Variants in FBXW11 observed in about 807,000 individuals in gnomAD.
FBXW11 encodes F-box/WD repeat-containing protein 11.
Under a neutral mutation model 77.6 loss-of-function variants are expected in FBXW11, and 19 were observed. The ratio of observed to expected loss-of-function variants is 0.24; its 90% CI spans 0.17 to 0.36. FBXW11 has a LOEUF of 0.36. Ranked by LOEUF, FBXW11 falls within the 10% of genes least tolerant of loss-of-function variation. FBXW11 has a pLI of 1.00. For missense variants in FBXW11, 334 were observed against 704.2 expected (o/e 0.47, Z 5.95); for synonymous variants, 235 against 249.4 (o/e 0.94, Z 0.54).
Position 171,869,228 on chromosome 5 carries a change from A to G in FBXW11, c.1531-432T>C, listed in dbSNP as rs1195503868. Among the ~76,000 whole-genome samples the G allele has an allele frequency of 1.3e-5, 2 of 152,240 alleles. No individual in the cohort carries two copies. The highest frequency in any genetic ancestry group is 6.5e-5 in the Admixed American group (1 of 15,270). ...AATATAAGAGTTCCCATTAAAATCA[A>G]GAAGACAGTTCTGCATCTTCTAGTA... On this transcript the variant is annotated intron_variant, in intron 12 of 13. Transcript: ENST00000517395. The surrounding 1 kb of genome is among the most constrained non-coding windows in gnomAD (Gnocchi z 4.1).
Position 171,933,967 on chromosome 5 carries a change from T to G in FBXW11, c.148-19562A>C, listed in dbSNP as rs182495621. Among the ~76,000 whole-genome samples, 542 of 152,340 alleles carry G rather than the reference T, an allele frequency of 3.6e-3. 3 individuals carry two copies. Among genetic ancestry groups the G allele is most frequent in the African/African-American group, 0.012 (519 of 41,576 alleles). Reference sequence around the variant, plus strand: ...AACTAAACAACATCCCAAACAAGCCTTTCTTAACTAAGGTTCTGTGAGATC... The same window carrying G: ...AACTAAACAACATCCCAAACAAGCCGTTCTTAACTAAGGTTCTGTGAGATC... On this transcript the variant is annotated intron_variant, in intron 2 of 13. Transcript: ENST00000517395.
chr5:172,000,506 C>A (rs956822772), intron 1 of FBXW11, among the ~76,000 whole-genome samples: 1 of 152,170 alleles, frequency 6.6e-6, no homozygotes, highest in African/African-American at 2.4e-5. Context: ...CCAAAGATGG[C>A]TCATTAAATG....
At chr5:171,954,999 G>C (rs920883452) in intron 2 of FBXW11, among the ~76,000 whole-genome samples, 1 of 152,150 alleles carries the variant, frequency 6.6e-6, no homozygotes, top group Admixed American at 6.6e-5. Flanking sequence ...AAATAGTCAC[G>C]TCAGACTCAG....
At chr5:171,868,957 G>A (rs1757600034) in intron 12 of FBXW11, among the ~76,000 whole-genome samples, 161 bp from the exon 13 acceptor site, 1 of 152,152 alleles carries the variant, frequency 6.6e-6, no homozygotes, top group South Asian at 2.1e-4. Flanking sequence ...AAGAACAAAT[G>A]TTCTTCTTTC....
chr5:171,887,405 A>T (rs976669053), intron 7 of FBXW11, among the ~76,000 whole-genome samples: 9 of 148,902 alleles, frequency 6.0e-5, no homozygotes, highest in Admixed American at 4.0e-4. Flanking sequence ...AATAAAAATT[A>T]AAAAAAAAAG....
At position 171,870,847 on chromosome 5, in the gene FBXW11, A is replaced by G; in HGVS notation, c.1352T>C (p.Ile451Thr). ...GACTCTTAAACAGGCACCACATTCAATATCCCAGAGCCTTGAATGAAAAAC... is the reference window on the plus strand; with the variant it reads ...GACTCTTAAACAGGCACCACATTCAGTATCCCAGAGCCTTGAATGAAAAAC... ...SSDNTIRLWD[I>T]ECGACLRVLE... is the part of the protein sequence containing the mutation. The change falls in exon 11 of 14, where the codon ATT (isoleucine) becomes ACT (threonine). Residue 451 changes from isoleucine to threonine, a missense_variant. Physicochemically the swap from Ile to Thr is moderately conservative, Grantham distance 89 (BLOSUM62 -1). Transcript: ENST00000517395. 6.2e-7 allele frequency: 1 copy of G among 1,612,820 alleles called. No homozygotes were observed. Among genetic ancestry groups the G allele is most frequent in the Non-Finnish European group, 8.5e-7 (1 of 1,178,846 alleles).
intron 7 of FBXW11, 110 bp from the exon 8 acceptor site, chr5:171,878,239 G>A (rs1758234353): frequency 2.7e-6 from 2 of 733,310 alleles, no homozygotes; most frequent in Non-Finnish European, 4.6e-6. Flanking sequence ...TTGGGTTACA[G>A]TAAATAAGAA....
At chr5:171,920,788 A>C (rs1210220270) in intron 2 of FBXW11, among the ~76,000 whole-genome samples, 2 of 152,198 alleles carry the variant, frequency 1.3e-5, no homozygotes, top group Non-Finnish European at 2.9e-5. Flanking sequence ...AGATTAGCAA[A>C]AGTAACTTTC....
chr5:171,926,457 G>A (rs1043362222), intron 2 of FBXW11, among the ~76,000 whole-genome samples: 1 of 152,204 alleles, frequency 6.6e-6, no homozygotes, highest in Non-Finnish European at 1.5e-5. Flanking sequence ...CCTGGTGGGA[G>A]GTGACTGAAT....
intron 1 of FBXW11, among the ~76,000 whole-genome samples, chr5:171,979,658 T>C (rs1765039521): frequency 6.6e-6 from 1 of 152,144 alleles, no homozygotes. Flanking sequence ...ACCGCAACCA[T>C]AAAAAACAAT....
At chr5:171,939,606 G>T (rs1345154416) in intron 2 of FBXW11, among the ~76,000 whole-genome samples, 1 of 151,372 alleles carries the variant, frequency 6.6e-6, no homozygotes, top group African/African-American at 2.4e-5. Context: ...GCTGAGTGGG[G>T]AGGATCACTT....
intron 1 of FBXW11, among the ~76,000 whole-genome samples, chr5:171,959,162 A>G (rs1220421104): frequency 6.6e-6 from 1 of 151,910 alleles, no homozygotes; most frequent in African/African-American, 2.4e-5. Flanking sequence ...TGGAATAAAA[A>G]AATTGAGCAG....
chr5:171,938,803 A>G (rs560504685), intron 2 of FBXW11, among the ~76,000 whole-genome samples: 66 of 152,340 alleles, frequency 4.3e-4, no homozygotes, highest in African/African-American at 1.5e-3. Context: ...ATATGAACAC[A>G]ACAGAGTACT....
At chr5:171,943,688 A>T (rs1762858698) in intron 2 of FBXW11, among the ~76,000 whole-genome samples, 1 of 152,182 alleles carries the variant, frequency 6.6e-6, no homozygotes, top group Non-Finnish European at 1.5e-5. Context: ...TGACCTCATG[A>T]TCCGCCCGCC....
chr5:171,894,513 C>T (rs909375311), intron 6 of FBXW11, among the ~76,000 whole-genome samples: 14 of 152,140 alleles, frequency 9.2e-5, no homozygotes, highest in African/African-American at 3.4e-4. Context: ...AGACACGGAG[C>T]CAGATGAGGG....
At chr5:172,000,532 C>G (rs571476327) in intron 1 of FBXW11, among the ~76,000 whole-genome samples, 1 of 152,306 alleles carries the variant, frequency 6.6e-6, no homozygotes, top group South Asian at 2.1e-4. Context: ...CTAAAAGCAA[C>G]TAAATGTTAG....
chr5:172,003,036 T>C (rs1193899782), intron 1 of FBXW11: 1 of 152,066 alleles, frequency 6.6e-6, no homozygotes, highest in East Asian at 1.9e-4. Flanking sequence ...CTACATTACT[T>C]CATTGAACAA....
intron 4 of FBXW11, 23 bp downstream of exon 4, chr5:171,910,549 T>C (rs780380256): frequency 1.3e-6 from 2 of 1,582,528 alleles, no homozygotes; most frequent in Non-Finnish European, 8.6e-7. Context: ...CTGCTCAGCT[T>C]TTGAAAAGAC....
intron 9 of FBXW11, among the ~76,000 whole-genome samples, chr5:171,875,143 G>A (rs939069368): frequency 1.3e-5 from 2 of 152,104 alleles, no homozygotes; most frequent in African/African-American, 4.8e-5. Flanking sequence ...CTGGCTGGGT[G>A]TGGTGGCTCA....
Sources: allele counts gnomAD v4.1 joint callset (sites outside exome capture counted in the v4.1 genomes callset), GRCh38; gene constraint gnomAD v4.1.1; non-coding constraint Gnocchi (gnomAD v3.1); transcripts MANE v1.5; gene names NCBI Gene and HGNC (gene_info 2026-07-23, HGNC 2026-07-21).